Variants in CDK8 observed in about 807,000 individuals in gnomAD.
CDK8 encodes cyclin-dependent kinase 8.
A neutral mutation model predicts 71.5 loss-of-function variants in CDK8; 29 were observed. The ratio of observed to expected loss-of-function variants is 0.41; its 90% CI spans 0.30 to 0.55. The LOEUF (loss-of-function observed/expected upper bound fraction) is 0.55. Ranked by LOEUF, CDK8 falls within the 20% of genes least tolerant of loss-of-function variation. CDK8 has a pLI of 0.37. For missense variants in CDK8, 288 were observed against 572.6 expected (o/e 0.50, Z 5.07); for synonymous variants, 161 against 192.1 (o/e 0.84, Z 1.34).
At chr13:26,337,855 T>C (rs907627717) in intron 2 of CDK8, among the ~76,000 whole-genome samples, 1 of 152,076 alleles carries the variant, frequency 6.6e-6, no homozygotes, top group African/African-American at 2.4e-5. Context: ...TAAATTTCAG[T>C]TGTTTATATA....
At position 26,376,665 on chromosome 13, in the gene CDK8, G is replaced by A. The variant is rs555272014; in HGVS notation, c.457-6149G>A. Among the ~76,000 whole-genome samples the A allele has an allele frequency of 4.1e-4, 63 of 152,258 alleles. 1 individual carries two copies. The Middle Eastern group carries it at 0.02, about 49-fold the overall frequency. ...CAGGAAGTAAATGATCTTTGTGTCA[G>A]TGAAAATAGAAGGTTCTATCCCATA... On this transcript the variant is annotated intron_variant, in intron 4 of 12. Transcript: ENST00000381527.
chr13:26,360,204 C>T (rs1332706029), intron 4 of CDK8, among the ~76,000 whole-genome samples: 1 of 151,938 alleles, frequency 6.6e-6, no homozygotes, highest in Non-Finnish European at 1.5e-5. Flanking sequence ...GCCTGTAATC[C>T]CAGCACTTTA....
intron 1 of CDK8, chr13:26,324,713 T>G: frequency 3.6e-6 from 1 of 274,720 alleles, no homozygotes; most frequent in Non-Finnish European, 5.5e-6. Flanking sequence ...TTATAAATGA[T>G]CAATGTCAAA....
At chr13:26,335,943 ACAACAACAACAG>A in intron 1 of CDK8, among the ~76,000 whole-genome samples, 3 of 151,866 alleles carry the variant, frequency 2.0e-5, no homozygotes, top group African/African-American at 7.2e-5. Flanking sequence ...AACAACAACA[ACAACAACAACAG>A]ACCTTTAAAG....
intron 1 of CDK8, among the ~76,000 whole-genome samples, chr13:26,329,498 GT>G (rs1290513540): frequency 1.2e-5 from 1 of 81,952 alleles, no homozygotes; most frequent in Non-Finnish European, 2.6e-5. Context: ...TTTTTTGTTT[GT>G]TTTGTTTTGT....
intron 1 of CDK8, among the ~76,000 whole-genome samples, chr13:26,262,154 C>T (rs1053621937): frequency 9.2e-5 from 14 of 152,220 alleles, no homozygotes; most frequent in Non-Finnish European, 4.4e-5. Flanking sequence ...AACTACGTAT[C>T]TTAACATACA....
intron 4 of CDK8, among the ~76,000 whole-genome samples, chr13:26,360,312 A>G (rs140501699): frequency 1.3e-5 from 2 of 152,128 alleles, no homozygotes; most frequent in Non-Finnish European, 2.9e-5. Context: ...ATTGAAACAC[A>G]TTGTCAAATA....
At chr13:26,335,920 TAAC>T (rs71080255) in intron 1 of CDK8, among the ~76,000 whole-genome samples, 3,967 of 150,066 alleles carry the variant, frequency 0.026, 60 homozygotes, top group Middle Eastern at 0.041. Flanking sequence ...TTCTCTTGCT[TAAC>T]AACAACAACA....
intron 4 of CDK8, among the ~76,000 whole-genome samples, chr13:26,366,489 C>T (rs1410569855): frequency 6.6e-6 from 1 of 152,076 alleles, no homozygotes; most frequent in African/African-American, 2.4e-5. Flanking sequence ...ATTAAAGTCT[C>T]CTACTCCCCC....
At chr13:26,290,169 ATATT>A (rs1470002839) in intron 1 of CDK8, among the ~76,000 whole-genome samples, 1 of 152,232 alleles carries the variant, frequency 6.6e-6, no homozygotes, top group Non-Finnish European at 1.5e-5. Flanking sequence ...ACTATAGAGT[ATATT>A]TATTTCTAGA....
At chr13:26,382,189 T>C (rs1875261655) in intron 4 of CDK8, among the ~76,000 whole-genome samples, 1 of 152,222 alleles carries the variant, frequency 6.6e-6, no homozygotes, top group South Asian at 2.1e-4. Flanking sequence ...ACAATCAGTA[T>C]ATATTTTAAA....
chr13:26,289,483 T>C (rs1284216912), intron 1 of CDK8, among the ~76,000 whole-genome samples: 1 of 152,232 alleles, frequency 6.6e-6, no homozygotes, highest in African/African-American at 2.4e-5. Flanking sequence ...TATGTGTTTG[T>C]TGCTAGTATT....
chr13:26,352,605 T>C (rs1164478747), intron 3 of CDK8, among the ~76,000 whole-genome samples: 1 of 152,222 alleles, frequency 6.6e-6, no homozygotes, highest in South Asian at 2.1e-4. Flanking sequence ...TAAATTGTTG[T>C]AGCTCTGTTT....
chr13:26,265,460 G>A (rs982441654), intron 1 of CDK8, among the ~76,000 whole-genome samples: 2 of 152,148 alleles, frequency 1.3e-5, no homozygotes, highest in Admixed American at 1.3e-4. Flanking sequence ...GAGTTAGTGG[G>A]GGCTTGAGGA....
intron 1 of CDK8, among the ~76,000 whole-genome samples, chr13:26,301,940 C>G (rs566240325): frequency 6.6e-6 from 1 of 152,276 alleles, no homozygotes; most frequent in South Asian, 2.1e-4. Flanking sequence ...GGGGCTATTT[C>G]CCACTCTGGT....
chr13:26,399,230 G>A (rs1215767965), intron 9 of CDK8, among the ~76,000 whole-genome samples: 3 of 151,958 alleles, frequency 2.0e-5, no homozygotes, highest in Non-Finnish European at 2.9e-5. Flanking sequence ...GGCTGGTCTC[G>A]AACTCCTGAC....
intron 1 of CDK8, among the ~76,000 whole-genome samples, chr13:26,316,825 A>C (rs1470846265): frequency 6.6e-6 from 1 of 152,234 alleles, no homozygotes; most frequent in Non-Finnish European, 1.5e-5. Context: ...CCATTCAAAA[A>C]ATAAATAAAT....
chr13:26,323,927 A>T (rs983273904), intron 1 of CDK8, among the ~76,000 whole-genome samples: 3 of 152,142 alleles, frequency 2.0e-5, no homozygotes, highest in African/African-American at 2.4e-5. Flanking sequence ...ATTGGCTGTC[A>T]TAGGAAATAC....
At chr13:26,364,389 A>G (rs1244494143) in intron 4 of CDK8, among the ~76,000 whole-genome samples, 1 of 152,182 alleles carries the variant, frequency 6.6e-6, no homozygotes. Flanking sequence ...ATTAAATTTT[A>G]CTGTGGGTTG....
Sources: gnomAD v4.1 joint callset for allele counts (sites outside exome capture counted in the v4.1 genomes callset) on GRCh38, gnomAD v4.1.1 for gene constraint, MANE v1.5 for transcripts, NCBI Gene and HGNC (gene_info 2026-07-23, HGNC 2026-07-21) for gene names.